The following NCBP2 variants were observed in gnomAD, a reference collection of about 807,000 sequenced individuals.
The protein encoded by NCBP2 is nuclear cap binding protein subunit 2, also known as nuclear cap-binding protein subunit 2.
In NCBP2, 8 loss-of-function variants were observed where a neutral mutation model predicts 21.5. The observed-to-expected ratio is 0.37, with a 90% CI of 0.22 to 0.67. The LOEUF (loss-of-function observed/expected upper bound fraction) is 0.67. Among genes scored for constraint, NCBP2 ranks in the 30% least tolerant of loss-of-function variants. The pLI is 0.56. For synonymous variants in NCBP2, 92 were observed against 75.8 expected (o/e 1.21, Z -1.11); for missense variants, 127 against 206.9 (o/e 0.61, Z 2.37).
chr3:196,942,450 G>A lies in NCBP2; in HGVS notation c.54C>T (p.Ser18=), dbSNP rs1166241002. The part of the protein sequence containing the change: ...ALRSDSYVEL[S]QYRDQHFRGD... ...CCCGGAAGTGCTGGTCCCGGTACTG[G>A]CTCAGCTCCACGTAGGAGTCGCTGC... Residue 18 remains serine, a synonymous_variant, in exon 1 of 4, where the codon AGC becomes AGT. Coordinates refer to ENST00000321256, the MANE Select transcript of NCBP2 (RefSeq NM_007362.5). The A allele has an allele frequency of 1.1e-5, 18 of 1,613,156 alleles. No homozygotes were observed. The highest frequency in any genetic ancestry group is 1.4e-5 in the Non-Finnish European group (17 of 1,179,886).
chr3:196,939,515 T>C, intron 1 of NCBP2, 83 bp from the exon 2 acceptor site: 3 of 1,069,302 alleles, frequency 2.8e-6, no homozygotes, highest in Non-Finnish European at 4.0e-6. Flanking sequence ...GAGACATTCA[T>C]TAATTCTGGT....
intron 2 of NCBP2, 68 bp downstream of exon 2, chr3:196,939,183 C>G: frequency 7.0e-7 from 1 of 1,425,364 alleles, no homozygotes; most frequent in Non-Finnish European, 9.9e-7. Flanking sequence ...AGTGCAGGGA[C>G]GCTTATGAGC....
At chr3:196,937,850 A>G in intron 2 of NCBP2, 1 of 589,464 alleles carries the variant, frequency 1.7e-6, no homozygotes, top group Non-Finnish European at 3.0e-6. Context: ...CCATGGCTAC[A>G]CTGATCATAT....
chr3:196,940,654 TTAGCATCTAAAAAA>T (rs1298204286), intron 1 of NCBP2, among the ~76,000 whole-genome samples: 21 of 152,198 alleles, frequency 1.4e-4, no homozygotes, highest in Admixed American at 3.9e-4. Flanking sequence ...CAGTATGGCA[TTAGCATCTAAAAAA>T]AGCTACAGGT....
intron 3 of NCBP2, 178 bp from the exon 4 acceptor site, chr3:196,937,260 C>G: frequency 1.3e-6 from 1 of 779,004 alleles, no homozygotes; most frequent in East Asian, 2.6e-5. Context: ...TTAGATGTTC[C>G]TGCAGGTGGA....
At chr3:196,937,711 A>G (rs989278858) in intron 2 of NCBP2, 63 bp from the exon 3 acceptor site, 36 of 1,586,998 alleles carry the variant, frequency 2.3e-5, no homozygotes, top group Non-Finnish European at 3.1e-5. Context: ...AACAACATGT[A>G]AATGAAGCTG....
intron 1 of NCBP2, chr3:196,942,133 A>C: frequency 6.8e-7 from 1 of 1,465,594 alleles, no homozygotes; most frequent in Non-Finnish European, 8.9e-7. Flanking sequence ...TGGAAACGGG[A>C]GCCGCCACCA....
intron 1 of NCBP2, 145 bp from the exon 2 acceptor site, chr3:196,939,577 AG>A (rs1560170040): frequency 4.0e-5 from 28 of 695,880 alleles, no homozygotes; most frequent in Non-Finnish European, 6.1e-5. Context: ...TTGCCCAAAA[AG>A]GGGGATGTCG....
chr3:196,939,429 CACCCTAGAATTTCAA>C lies in NCBP2; in HGVS notation c.79-12_81del, dbSNP rs1327012706. 1.9e-6 allele frequency: 3 copies of C among 1,600,822 alleles called. No individual in the cohort carries two copies. Among genetic ancestry groups the C allele is most frequent in the Non-Finnish European group, 2.6e-6 (3 of 1,173,544 alleles). ...AGTAATTTTTCTTGTTCTTCATTGT[CACCCTAGAATTTCAA>C]ATAGAGACAAAAGTTAAGCAACTTC... is the stretch of plus-strand genomic sequence containing the variant. On this transcript the variant is annotated splice_acceptor_variant and splice_polypyrimidine_tract_variant and coding_sequence_variant and intron_variant, in exon 2 of 4. Coordinates refer to ENST00000321256, the MANE Select transcript of NCBP2 (RefSeq NM_007362.5). LOFTEE classifies it high-confidence loss of function.
intron 1 of NCBP2, chr3:196,941,857 G>C (rs1202869071): frequency 9.3e-6 from 14 of 1,502,318 alleles, no homozygotes; most frequent in Non-Finnish European, 1.3e-5. Context: ...TCAAAGTGCC[G>C]AGCTTGGCGG....
At chr3:196,938,927 G>C (rs4916587) in intron 2 of NCBP2, 119,912 of 217,688 alleles carry the variant, frequency 0.55, 34,895 homozygotes, top group East Asian at 0.89. Context: ...CAAGAAACTG[G>C]TAACTGACTG....
chr3:196,937,640 G>A lies in NCBP2; in HGVS notation c.269C>T (p.Ser90Leu). ...CATGGCGTTTTCCGCATCTGCGCGT[G>A]AGTAATATCTTAAGTATTAAGGAAC... The part of the protein sequence containing the change: ...ACGFCFVEYY[S>L]RADAENAMRY... Residue 90 changes from serine to leucine, a missense_variant, in exon 3 of 4, where the codon TCA becomes TTA. Ser to Leu is a moderately radical substitution (Grantham distance 145). Coordinates refer to ENST00000321256, the MANE Select transcript of NCBP2 (RefSeq NM_007362.5). The A allele has an allele frequency of 1.2e-6, 2 of 1,614,094 alleles. No individual in the cohort carries two copies.
rs181951133 is a variant in NCBP2, at chr3:196,935,626, T to A, written c.*1385A>T. 6.6e-6 allele frequency: 1 copy of A among 152,336 alleles called. No homozygotes were observed. The highest frequency in any genetic ancestry group is 1.9e-4 in the East Asian group (1 of 5,196). The allele number at this position is 152,336 out of a possible 1,614,324, so 9.4% of individuals were successfully genotyped here. ...AACTAGTTACAGCTCTTTTAAAAAT[T>A]CAGATTTCTACACTCAGTTTAACGG... On this transcript the variant is annotated 3_prime_UTR_variant, in exon 4 of 4. Coordinates refer to ENST00000321256, the MANE Select transcript of NCBP2 (RefSeq NM_007362.5).
Position 196,936,915 on chromosome 3 carries a change from T to C in NCBP2, c.*96A>G, listed in dbSNP as rs562195277. ...GCTCAGTAAAGACACTGATCAAATC[T>C]TGGTAAAAATGGGCTCGTGTGCAGA... On this transcript the variant is annotated 3_prime_UTR_variant, in exon 4 of 4. Coordinates refer to ENST00000321256, the MANE Select transcript of NCBP2 (RefSeq NM_007362.5). 7 of 1,125,072 alleles carry C rather than the reference T, an allele frequency of 6.2e-6. No homozygotes were observed. In the African/African-American group the frequency reaches 9.2e-5, roughly 15 times the overall value. The allele number at this position is 1,125,072 out of a possible 1,614,324, so 69.7% of individuals were successfully genotyped here.
Position 196,935,969 on chromosome 3 carries a change from T to G in NCBP2, c.*1042A>C, listed in dbSNP as rs1336342890. ...AAAAGAGGCATCTGCTGCAGGAACC[T>G]TCTGTGACTGTCAAACATTCCCTCT... is the stretch of plus-strand genomic sequence containing the variant. On this transcript the variant is annotated 3_prime_UTR_variant, in exon 4 of 4. Transcript: ENST00000321256. 1.3e-5 allele frequency: 2 copies of G among 152,234 alleles called. No individual in the cohort carries two copies. Among genetic ancestry groups the G allele is most frequent in the Admixed American group, 1.3e-4 (2 of 15,280 alleles). The allele number at this position is 152,234 out of a possible 1,614,324, so 9.4% of individuals were successfully genotyped here. A position where few individuals can be genotyped will look rare whatever the true frequency, so the allele number is the denominator to read the frequency against.
At chr3:196,937,820 G>C in intron 2 of NCBP2, 172 bp from the exon 3 acceptor site, 1 of 674,236 alleles carries the variant, frequency 1.5e-6, no homozygotes, top group Non-Finnish European at 2.5e-6. Context: ...GAAGCACATA[G>C]AGTCAAATAT....
chr3:196,937,344 T>TA (rs1256636513), intron 3 of NCBP2, 166 bp downstream of exon 3: 1,745 of 982,934 alleles, frequency 1.8e-3, no homozygotes, highest in Non-Finnish European at 2.2e-3. Context: ...TTTCACGGTT[T>TA]AAAAAAAAAA....
At chr3:196,941,966 G>A (rs1466889737) in intron 1 of NCBP2, 5 of 1,536,194 alleles carry the variant, frequency 3.3e-6, no homozygotes, top group Non-Finnish European at 3.5e-6. Context: ...CATCCTCCCA[G>A]AGAAGGGGCC....
At chr3:196,942,123 T>C in intron 1 of NCBP2, 7 of 1,469,272 alleles carry the variant, frequency 4.8e-6, no homozygotes, top group Non-Finnish European at 6.3e-6. Flanking sequence ...GGCACAACCG[T>C]GGAAACGGGA....
Sources: gnomAD v4.1 joint callset for allele counts (sites outside exome capture counted in the v4.1 genomes callset) on GRCh38, gnomAD v4.1.1 for gene constraint, MANE v1.5 for transcripts, NCBI Gene and HGNC (gene_info 2026-07-23, HGNC 2026-07-21) for gene names.